KCNT2: variants seen among roughly 807,000 people sequenced by gnomAD.
KCNT2 encodes the protein potassium channel subfamily T member 2.
In KCNT2, 67 loss-of-function variants were observed where a neutral mutation model predicts 153.8. That is an observed-to-expected ratio of 0.44 (90% confidence interval 0.36 to 0.53). The LOEUF (loss-of-function observed/expected upper bound fraction) is 0.53, where lower values mean the gene tolerates loss of function less well. Among genes scored for constraint, KCNT2 ranks in the 20% least tolerant of loss-of-function variants. The pLI is 0.00. For missense variants in KCNT2, 975 were observed against 1,354.8 expected (o/e 0.72, Z 4.40); for synonymous variants, 500 against 458.8 (o/e 1.09, Z -1.15).
At chr1:196,493,255 T>G (rs1034108784) in intron 1 of KCNT2, among the ~76,000 whole-genome samples, 3 of 151,890 alleles carry the variant, frequency 2.0e-5, no homozygotes, top group African/African-American at 4.8e-5. Context: ...AAACAAATAT[T>G]TAATTTCATT....
chr1:196,316,275 T>C (rs1302047687), intron 20 of KCNT2, among the ~76,000 whole-genome samples: 1 of 151,720 alleles, frequency 6.6e-6, no homozygotes, highest in Non-Finnish European at 1.5e-5. Flanking sequence ...TGTTAAAATA[T>C]TTTCTTTAAT....
At chr1:196,315,138 T>A (rs571032947) in intron 21 of KCNT2, among the ~76,000 whole-genome samples, 39 of 151,822 alleles carry the variant, frequency 2.6e-4, no homozygotes, top group African/African-American at 9.2e-4. Flanking sequence ...AAAGTTGAGA[T>A]TGTTTCATTT....
intron 1 of KCNT2, among the ~76,000 whole-genome samples, chr1:196,512,694 T>C (rs1443054173): frequency 6.6e-6 from 1 of 152,170 alleles, no homozygotes; most frequent in Non-Finnish European, 1.5e-5. Context: ...ATATTTAAAC[T>C]TGACTTCAAA....
intron 26 of KCNT2, among the ~76,000 whole-genome samples, chr1:196,244,335 T>A (rs1248598059): frequency 1.3e-5 from 2 of 152,028 alleles, no homozygotes; most frequent in Non-Finnish European, 2.9e-5. Flanking sequence ...TAAAGGGGAC[T>A]TTGTCTTGCA....
At chr1:196,387,454 C>A (rs1266037095) in intron 13 of KCNT2, among the ~76,000 whole-genome samples, 1 of 151,854 alleles carries the variant, frequency 6.6e-6, no homozygotes, top group Non-Finnish European at 1.5e-5. Context: ...TCTGTATGTC[C>A]ACCCTATTTT....
intron 26 of KCNT2, 118 bp downstream of exon 26, chr1:196,258,076 T>C: frequency 6.9e-7 from 1 of 1,451,502 alleles, no homozygotes; most frequent in Non-Finnish European, 9.1e-7. Context: ...ATCACTAGTT[T>C]CTACTAATTG....
chr1:196,317,599 C>T (rs1017160365), intron 20 of KCNT2, among the ~76,000 whole-genome samples: 1 of 151,538 alleles, frequency 6.6e-6, no homozygotes, highest in Non-Finnish European at 1.5e-5. Context: ...AAAACATCTC[C>T]ATTATAATTA....
chr1:196,560,854 T>C (rs961293042), intron 1 of KCNT2, among the ~76,000 whole-genome samples: 2 of 151,934 alleles, frequency 1.3e-5, no homozygotes, highest in Non-Finnish European at 2.9e-5. Flanking sequence ...CCGTACCTAG[T>C]TGGCTTCAGA....
intron 19 of KCNT2, among the ~76,000 whole-genome samples, chr1:196,324,199 T>C (rs1663619255): frequency 6.6e-6 from 1 of 152,018 alleles, no homozygotes; most frequent in Admixed American, 6.6e-5. Flanking sequence ...ATGTGGATTG[T>C]TGGATTCCCA....
At chr1:196,376,167 C>T (rs1251985272) in intron 13 of KCNT2, among the ~76,000 whole-genome samples, 1 of 151,868 alleles carries the variant, frequency 6.6e-6, no homozygotes, top group Non-Finnish European at 1.5e-5. Flanking sequence ...ATTATACAAT[C>T]AAATTCCCCT....
intron 25 of KCNT2, among the ~76,000 whole-genome samples, chr1:196,276,357 T>C (rs2147851001): frequency 6.6e-6 from 1 of 152,222 alleles, no homozygotes; most frequent in African/African-American, 2.4e-5. Flanking sequence ...TGCTTTATTG[T>C]ATTAATTGCT....
At chr1:196,383,528 G>C (rs1484143528) in intron 13 of KCNT2, among the ~76,000 whole-genome samples, 1 of 152,154 alleles carries the variant, frequency 6.6e-6, no homozygotes, top group Non-Finnish European at 1.5e-5. Context: ...GGTGGAAGGA[G>C]AGTGTTTTAT....
intron 25 of KCNT2, among the ~76,000 whole-genome samples, chr1:196,269,808 G>A (rs1657900450): frequency 6.6e-6 from 1 of 152,070 alleles, no homozygotes; most frequent in Non-Finnish European, 1.5e-5. Flanking sequence ...ATACAAGTAT[G>A]CTACACAGGT....
chr1:196,433,886 CAAGAGACAGAAGAGAG>C (rs1286536580), intron 8 of KCNT2, among the ~76,000 whole-genome samples: 1 of 151,982 alleles, frequency 6.6e-6, no homozygotes, highest in Non-Finnish European at 1.5e-5. Context: ...GTAGAGGTAT[CAAGAGACAGAAGAGAG>C]AAAGGAAGAT....
chr1:196,431,900 A>C (rs1572426881), intron 8 of KCNT2, among the ~76,000 whole-genome samples: 1 of 152,114 alleles, frequency 6.6e-6, no homozygotes, highest in South Asian at 2.1e-4. Flanking sequence ...TGTAAGATAA[A>C]AGGAAGCCAG....
chr1:196,258,274 T>C lies in KCNT2; in HGVS notation c.3131A>G (p.Tyr1044Cys). The C allele has an allele frequency of 1.2e-6, 2 of 1,614,104 alleles. No individual in the cohort carries two copies. Among genetic ancestry groups the C allele is most frequent in the Non-Finnish European group, 1.7e-6 (2 of 1,179,968 alleles). Reference protein sequence around the residue: ...EKITQQRLNLYRRSERQELAE... With the variant: ...EKITQQRLNLCRRSERQELAE... The stretch of plus-strand genomic sequence containing the variant: ...AAGCTCTTGTCTTTCTGACCTCCTG[T>C]AGAGGTTCAGTCGCTGCTGGGTTAT... Residue 1044 changes from tyrosine (Y) to cysteine (C), a missense_variant, in exon 26 of 28, where the codon TAC becomes TGC. This residue lies in a region of KCNT2 where 241 missense variants were observed against 271.1 expected (regional missense o/e 0.89). Coordinates refer to ENST00000294725, the MANE Select transcript of KCNT2 (RefSeq NM_198503.5).
chr1:196,435,171 A>ATATATATC (rs1674541987), intron 8 of KCNT2, among the ~76,000 whole-genome samples: 1 of 137,192 alleles, frequency 7.3e-6, no homozygotes, highest in African/African-American at 2.7e-5. Flanking sequence ...ATATATATAT[A>ATATATATC]TATATATATA....
chr1:196,509,505 A>T (rs1681437052), intron 1 of KCNT2, among the ~76,000 whole-genome samples: 1 of 152,210 alleles, frequency 6.6e-6, no homozygotes, highest in African/African-American at 2.4e-5. Flanking sequence ...AGTTTTATAA[A>T]GTTCAAAAAA....
At chr1:196,567,155 A>G (rs1265896741) in intron 1 of KCNT2, among the ~76,000 whole-genome samples, 2 of 152,114 alleles carry the variant, frequency 1.3e-5, no homozygotes, top group African/African-American at 4.8e-5. Flanking sequence ...CCATTATAGA[A>G]CAGTTCACTC....
Sources: gnomAD v4.1 joint callset for allele counts (sites outside exome capture counted in the v4.1 genomes callset) on GRCh38, gnomAD v4.1.1 for gene constraint, gnomAD v4.1.1 regional missense constraint, MANE v1.5 for transcripts, NCBI Gene and HGNC (gene_info 2026-07-23, HGNC 2026-07-21) for gene names.